IGF1R: variants seen among roughly 807,000 people sequenced by gnomAD.
IGF1R encodes insulin like growth factor 1 receptor.
A neutral mutation model predicts 144.6 loss-of-function variants in IGF1R; 44 were observed. The ratio of observed to expected loss-of-function variants is 0.30; its 90% confidence interval spans 0.24 to 0.39. The LOEUF (loss-of-function observed/expected upper bound fraction) is 0.39, where lower values mean the gene tolerates loss of function less well. Among genes scored for constraint, IGF1R ranks in the 10% least tolerant of loss-of-function variants. IGF1R has a pLI of 1.00. For missense variants in IGF1R, 1,355 were observed against 1,833.7 expected (o/e 0.74, Z 4.77); for synonymous variants, 795 against 722.8 (o/e 1.10, Z -1.60).
chr15:98,867,469 A>G lies in IGF1R; in HGVS notation c.641-23856A>G, dbSNP rs533166463. On this transcript the variant is annotated intron_variant, in intron 2 of 20. Transcript: ENST00000650285. ...TTGAGTCCCCACGGCTCCTTTGCCT[A>G]GGTCTAAAGTCACTGCTTGCACACT... 2.1e-4 allele frequency among the ~76,000 whole-genome samples: 32 copies of G among 152,280 alleles called. 1 individual carries two copies. In the South Asian group the frequency reaches 5.2e-3, roughly 25 times the overall value.
chr15:98,952,765 G>A (rs2016829135), intron 20 of IGF1R: 1 of 152,204 alleles, frequency 6.6e-6, no homozygotes, highest in Non-Finnish European at 1.5e-5. Context: ...TCTCAGCATA[G>A]AGTGACAAGG....
intron 2 of IGF1R, among the ~76,000 whole-genome samples, chr15:98,765,813 G>C (rs2055422990): frequency 6.6e-6 from 1 of 152,192 alleles, no homozygotes; most frequent in South Asian, 2.1e-4. Flanking sequence ...CTCCTTCTCA[G>C]CCAGTGTGCA....
intron 13 of IGF1R, among the ~76,000 whole-genome samples, chr15:98,925,533 G>A (rs1052243786): frequency 6.6e-6 from 1 of 152,210 alleles, no homozygotes; most frequent in African/African-American, 2.4e-5. Flanking sequence ...CTCACTTAGT[G>A]GTAACACTTT....
intron 13 of IGF1R, among the ~76,000 whole-genome samples, chr15:98,926,965 T>G (rs1469299115): frequency 6.6e-6 from 1 of 152,112 alleles, no homozygotes; most frequent in Non-Finnish European, 1.5e-5. Flanking sequence ...TCCCTCCTCT[T>G]TTTCCTCCCC....
chr15:98,906,011 G>A (rs868121121), intron 5 of IGF1R, among the ~76,000 whole-genome samples: 3 of 152,138 alleles, frequency 2.0e-5, no homozygotes, highest in Non-Finnish European at 4.4e-5. Flanking sequence ...GCTTCCACAG[G>A]CTCCATAATG....
intron 2 of IGF1R, among the ~76,000 whole-genome samples, chr15:98,860,615 ATTG>A (rs1397634662): frequency 6.6e-6 from 1 of 152,198 alleles, no homozygotes; most frequent in African/African-American, 2.4e-5. Flanking sequence ...GCGAGCATAA[ATTG>A]TTGTATTATG....
At chr15:98,830,210 C>T (rs2056974994) in intron 2 of IGF1R, among the ~76,000 whole-genome samples, 1 of 152,312 alleles carries the variant, frequency 6.6e-6, no homozygotes, top group African/African-American at 2.4e-5. Flanking sequence ...TGTTCCTGCC[C>T]TTTTCCTTTC....
At chr15:98,710,273 T>C (rs779926829) in intron 2 of IGF1R, among the ~76,000 whole-genome samples, 4 of 152,188 alleles carry the variant, frequency 2.6e-5, no homozygotes, top group Non-Finnish European at 5.9e-5. Context: ...ATGGAGTACT[T>C]ATATAAAATT....
intron 19 of IGF1R, among the ~76,000 whole-genome samples, chr15:98,943,613 G>C (rs2016445625): frequency 1.3e-5 from 2 of 152,244 alleles, no homozygotes; most frequent in African/African-American, 4.8e-5. Flanking sequence ...ACCAGTGGAA[G>C]CCCATCGACC....
Position 98,960,558 on chromosome 15 carries a change from G to A in IGF1R, c.*3116G>A. The A allele has an allele frequency of 4.3e-6, 1 of 233,546 alleles. No homozygotes were observed. 14.5% of individuals were successfully genotyped at this position (233,546 alleles called of 1,614,324 possible). On this transcript the variant is annotated 3_prime_UTR_variant, in exon 21 of 21. Coordinates refer to ENST00000650285, the MANE Select transcript of IGF1R (RefSeq NM_000875.5). ...CACCATCTCTGTGCGAATCCCCAGG[G>A]TAAAGGCGTGGGGCATTGGGTTTGC...
intron 20 of IGF1R, among the ~76,000 whole-genome samples, chr15:98,956,752 A>T (rs1455606390): frequency 1.3e-5 from 2 of 152,216 alleles, no homozygotes; most frequent in South Asian, 2.1e-4. Flanking sequence ...GCCACCATAG[A>T]TAACAGCTGT....
intron 2 of IGF1R, among the ~76,000 whole-genome samples, chr15:98,732,595 TAGATACAGCA>T (rs2054519596): frequency 6.6e-6 from 1 of 151,996 alleles, no homozygotes; most frequent in Non-Finnish European, 1.5e-5. Context: ...CTTTTGGAGA[TAGATACAGCA>T]AGACTTGGTG....
chr15:98,785,278 C>G (rs1236980123), intron 2 of IGF1R, among the ~76,000 whole-genome samples: 13 of 152,050 alleles, frequency 8.5e-5, no homozygotes, highest in Admixed American at 8.5e-4. Context: ...TAGTTTGTAC[C>G]AAGAACTAAT....
chr15:98,779,747 C>T (rs560220195), intron 2 of IGF1R, among the ~76,000 whole-genome samples: 2 of 152,270 alleles, frequency 1.3e-5, no homozygotes, highest in East Asian at 1.9e-4. Flanking sequence ...GAGCCGAGTC[C>T]GAGGCTGGAG....
intron 2 of IGF1R, among the ~76,000 whole-genome samples, chr15:98,882,452 A>G (rs1172273392): frequency 6.6e-6 from 1 of 152,258 alleles, no homozygotes; most frequent in Non-Finnish European, 1.5e-5. Context: ...AGTGTTTCAG[A>G]TCAGTATGCA....
intron 4 of IGF1R, among the ~76,000 whole-genome samples, 166 bp from the exon 5 acceptor site, chr15:98,899,311 G>T (rs1198246770): frequency 6.6e-6 from 1 of 152,222 alleles, no homozygotes; most frequent in African/African-American, 2.4e-5. Flanking sequence ...GTTGTTGAGA[G>T]TCAAGCCAGG....
chr15:98,787,335 A>G, intron 2 of IGF1R, among the ~76,000 whole-genome samples: 1 of 152,232 alleles, frequency 6.6e-6, no homozygotes, highest in East Asian at 1.9e-4. Context: ...GCACTCTCAG[A>G]TAAAACACCT....
At chr15:98,676,167 G>T (rs1484803498) in intron 1 of IGF1R, among the ~76,000 whole-genome samples, 1 of 151,964 alleles carries the variant, frequency 6.6e-6, no homozygotes, top group Admixed American at 6.6e-5. Context: ...TGTAGACAAA[G>T]TCTCACTCTG....
At chr15:98,665,919 ATG>A in intron 1 of IGF1R, among the ~76,000 whole-genome samples, 1 of 58,508 alleles carries the variant, frequency 1.7e-5, no homozygotes, top group East Asian at 9.8e-4. Context: ...ATGGACTTGA[ATG>A]GTCTTGCTAA....
Sources: gnomAD v4.1 joint callset for allele counts (sites outside exome capture counted in the v4.1 genomes callset) on GRCh38, gnomAD v4.1.1 for gene constraint, MANE v1.5 for transcripts, NCBI Gene and HGNC (gene_info 2026-07-23, HGNC 2026-07-21) for gene names.